The following USP34 variants were observed in gnomAD, a reference collection of about 807,000 sequenced individuals.
The protein encoded by USP34 is ubiquitin specific peptidase 34.
In USP34, 70 loss-of-function variants were observed where a neutral mutation model predicts 460.3. The observed-to-expected ratio is 0.15, with a 90% CI of 0.13 to 0.19. The LOEUF (loss-of-function observed/expected upper bound fraction) is 0.19. USP34 is among the 10% of genes least tolerant of loss of function. The pLI is 1.00. For missense variants in USP34, 3,985 were observed against 4,236.2 expected, an observed-to-expected ratio of 0.94 and a Z score of 1.65; for synonymous variants, 1,647 against 1,405.3, an observed-to-expected ratio of 1.17 and a Z score of -3.85.
chr2:61,386,778 G>A (rs979906013), intron 5 of USP34, among the ~76,000 whole-genome samples: 2 of 152,144 alleles, frequency 1.3e-5, no homozygotes, highest in African/African-American at 4.8e-5. Flanking sequence ...AACAGAGCGA[G>A]ACTCCATCTA....
At chr2:61,405,668 C>CT (rs1355033088) in intron 3 of USP34, 40 bp downstream of exon 3, 1 of 1,478,868 alleles carries the variant, frequency 6.8e-7, no homozygotes, top group South Asian at 1.5e-5. Context: ...GAAGTTAAGA[C>CT]TTGGTATTAC....
At chr2:61,194,200 A>G in intron 75 of USP34, 1 of 985,376 alleles carries the variant, frequency 1.0e-6, no homozygotes, top group Non-Finnish European at 1.2e-6. Context: ...AGGTAAGCCA[A>G]TTTATTTTCC....
Position 61,382,932 on chromosome 2 carries a change from T to C in USP34, c.821+337A>G, listed in dbSNP as rs77024374. Among the ~76,000 whole-genome samples, 963 of 152,302 alleles carry C rather than the reference T, an allele frequency of 6.3e-3. 6 individuals carry two copies. Among genetic ancestry groups the C allele is most frequent in the African/African-American group, 0.022 (919 of 41,560 alleles). ...ACAGACTGCACAAGAGCAGAGATTT[T>C]TGCAATTTGTTTTCTTCTCTGCTAT... On this transcript the variant is annotated intron_variant, in intron 6 of 79. Transcript: ENST00000398571.
intron 29 of USP34, 128 bp from the exon 30 acceptor site, chr2:61,297,053 A>G: frequency 8.2e-7 from 1 of 1,224,682 alleles, no homozygotes; most frequent in Non-Finnish European, 1.1e-6. Flanking sequence ...GAAAAGTGAG[A>G]AATGAAACAT....
At chr2:61,319,538 T>TAAAA (rs11361640) in intron 21 of USP34, among the ~76,000 whole-genome samples, 1 of 146,636 alleles carries the variant, frequency 6.8e-6, no homozygotes, top group Non-Finnish European at 1.5e-5. Flanking sequence ...TATTTATGAT[T>TAAAA]AAAAAAAAAA....
At chr2:61,425,118 T>C (rs1694473615) in intron 1 of USP34, among the ~76,000 whole-genome samples, 2 of 152,134 alleles carry the variant, frequency 1.3e-5, no homozygotes. Context: ...CTGCCACTGA[T>C]TTTTTAGACT....
intron 21 of USP34, among the ~76,000 whole-genome samples, chr2:61,321,589 A>G (rs1456253133): frequency 3.3e-5 from 5 of 152,240 alleles, no homozygotes; most frequent in Non-Finnish European, 5.9e-5. Flanking sequence ...AGAAACACCA[A>G]TATAGCCAGA....
intron 8 of USP34, among the ~76,000 whole-genome samples, chr2:61,378,046 G>A (rs771299214): frequency 1.3e-5 from 2 of 152,116 alleles, no homozygotes; most frequent in East Asian, 1.9e-4. Flanking sequence ...GCTGGCATGC[G>A]CCTATGGTCC....
intron 1 of USP34, among the ~76,000 whole-genome samples, chr2:61,443,612 A>G (rs1695029541): frequency 6.6e-6 from 1 of 152,212 alleles, no homozygotes; most frequent in South Asian, 2.1e-4. Flanking sequence ...TATGTGATGT[A>G]GTAGGAAAGG....
Position 61,394,835 on chromosome 2 carries a change from A to G in USP34, c.753+18T>C. On this transcript the variant is annotated intron_variant, in intron 5 of 79. Coordinates refer to ENST00000398571, the MANE Select transcript of USP34 (RefSeq NM_014709.4). ...GACATTGCTCCCAAAATTAAGATCA[A>G]TTCAAAACAATACTTACATTAGACA... 1 of 1,516,846 alleles carries G rather than the reference A, an allele frequency of 6.6e-7. No individual in the cohort carries two copies. The highest frequency in any genetic ancestry group is 1.4e-5 in the African/African-American group (1 of 70,696). The allele number at this position is 1,516,846 out of a possible 1,614,324, so 94.0% of individuals were successfully genotyped here. A position where few individuals can be genotyped will look rare whatever the true frequency, so the allele number is the denominator to read the frequency against.
Position 61,214,619 on chromosome 2 carries a change from T to G in USP34, c.8123A>C (p.His2708Pro). ...RQMFRSTRSLHIPTRDLPLSP... is the reference protein window; with the variant it reads ...RQMFRSTRSLPIPTRDLPLSP... ...GAGTGGAAGGTCACGGGTTGGGATG[T>G]GCAAAGACCTTGTTGACCGGAACAT... The change falls in exon 68 of 80, where the codon CAC (histidine) becomes CCC (proline). Residue 2708 changes from histidine (H) to proline (P), a missense_variant. His to Pro is a moderately conservative substitution (Grantham distance 77). Around this residue, in one of 14 missense-constraint regions of USP34, gnomAD observed 604 missense variants for 684.8 expected, o/e 0.88. Transcript: ENST00000398571. 1 of 1,614,212 alleles carries G rather than the reference T, an allele frequency of 6.2e-7. No individual in the cohort carries two copies. The highest frequency in any genetic ancestry group is 8.5e-7 in the Non-Finnish European group (1 of 1,180,038).
intron 10 of USP34, among the ~76,000 whole-genome samples, chr2:61,366,984 A>G (rs1446163874): frequency 1.3e-5 from 2 of 152,106 alleles, no homozygotes; most frequent in African/African-American, 2.4e-5. Flanking sequence ...AGGAGGCAGA[A>G]GCTGCAGCAA....
chr2:61,232,920 A>G (rs1307111920), intron 57 of USP34, among the ~76,000 whole-genome samples: 1 of 115,218 alleles, frequency 8.7e-6, no homozygotes, highest in Admixed American at 1.2e-4. Context: ...CCCAGGCTGG[A>G]GTGCAGTGGC....
intron 28 of USP34, 60 bp from the exon 29 acceptor site, chr2:61,301,220 A>T (rs1448458817): frequency 2.6e-6 from 4 of 1,543,668 alleles, no homozygotes; most frequent in Non-Finnish European, 3.5e-6. Context: ...TAAAACGGTA[A>T]ATCTGAAGTA....
intron 47 of USP34, 78 bp downstream of exon 47, chr2:61,256,795 C>A: frequency 9.1e-7 from 1 of 1,094,356 alleles, no homozygotes. Context: ...TTAAAAATAT[C>A]AAGATGACCA....
At chr2:61,281,374 G>A (rs565362392) in intron 37 of USP34, 132 bp from the exon 38 acceptor site, 1 of 1,158,494 alleles carries the variant, frequency 8.6e-7, no homozygotes, top group Non-Finnish European at 1.2e-6. Context: ...CACTTTTGGA[G>A]GCCCAGGCAG....
At chr2:61,367,312 A>G (rs879281084) in intron 10 of USP34, among the ~76,000 whole-genome samples, 24 of 150,980 alleles carry the variant, frequency 1.6e-4, no homozygotes, top group Middle Eastern at 3.5e-3. Flanking sequence ...GTGCGCGCGC[A>G]CACACACACG....
chr2:61,213,862 G>GA (rs758622715), intron 68 of USP34, among the ~76,000 whole-genome samples, 198 bp downstream of exon 68: 2 of 151,692 alleles, frequency 1.3e-5, no homozygotes, highest in Non-Finnish European at 2.9e-5. Context: ...TTCACCCTAA[G>GA]AAAAGTTATC....
chr2:61,255,640 C>T (rs1572875906), intron 48 of USP34, among the ~76,000 whole-genome samples: 1 of 152,208 alleles, frequency 6.6e-6, no homozygotes, highest in African/African-American at 2.4e-5. Flanking sequence ...CTAGCTAGTA[C>T]AAAAAGTCCC....
Sources: allele counts gnomAD v4.1 joint callset (sites outside exome capture counted in the v4.1 genomes callset), GRCh38; gene constraint gnomAD v4.1.1; regional missense constraint gnomAD v4.1.1; transcripts MANE v1.5; gene names NCBI Gene and HGNC (gene_info 2026-07-23, HGNC 2026-07-21).